The following CNKSR1 variants were observed in gnomAD, a reference collection of about 807,000 sequenced individuals.
CNKSR1 encodes connector enhancer of kinase suppressor of Ras 1.
In CNKSR1, 88 loss-of-function variants were observed where a neutral mutation model predicts 95.6. The observed-to-expected ratio is 0.92, with a 90% confidence interval of 0.78 to 1.10. The LOEUF (loss-of-function observed/expected upper bound fraction) is 1.10, where lower values mean the gene tolerates loss of function less well. Ranked by LOEUF, CNKSR1 falls within the 50% of genes least tolerant of loss-of-function variation. The pLI is 0.00. For synonymous variants in CNKSR1, 355 were observed against 369.7 expected (o/e 0.96, Z 0.46); for missense variants, 836 against 912.0 (o/e 0.92, Z 1.07).
At chr1:26,185,332 G>A in intron 14 of CNKSR1, 146 bp downstream of exon 14, 1 of 870,026 alleles carries the variant, frequency 1.1e-6, no homozygotes, top group Non-Finnish European at 1.8e-6. Flanking sequence ...AGAGAGAAAT[G>A]AGTTAATATA....
chr1:26,181,848 C>G lies in CNKSR1; in HGVS notation c.393-9C>G. On this transcript the variant is annotated splice_polypyrimidine_tract_variant and intron_variant, in intron 3 of 20. Transcript: ENST00000361530. The stretch of plus-strand genomic sequence containing the variant: ...TCCCTTAACCACTGTGCTATTCTTC[C>G]CCTGCCAGGTACCTCTTCTCCCACT... 1 of 1,613,848 alleles carries G rather than the reference C, an allele frequency of 6.2e-7. No homozygotes were observed. Among genetic ancestry groups the G allele is most frequent in the Non-Finnish European group, 8.5e-7 (1 of 1,179,836 alleles).
intron 1 of CNKSR1, among the ~76,000 whole-genome samples, chr1:26,178,238 C>T (rs1056337350): frequency 6.6e-6 from 1 of 152,212 alleles, no homozygotes; most frequent in Non-Finnish European, 1.5e-5. Context: ...TCCCTGGCCC[C>T]AGGGCCAGTG....
In CNKSR1 at chr1:26,177,871, G is replaced by T. The variant is rs2088587447; in HGVS notation, c.52+272G>T. The stretch of plus-strand genomic sequence containing the variant: ...AATCCCAGCTACTTGGGAGGCTGAG[G>T]CAGGAGAATCGCTTGAACCCAGGAG... On this transcript the variant is annotated intron_variant, in intron 1 of 20. Transcript: ENST00000361530. Among the ~76,000 whole-genome samples, 3 of 152,166 alleles carry T rather than the reference G, an allele frequency of 2.0e-5. No individual in the cohort carries two copies. The South Asian group carries it at 6.2e-4, about 31-fold the overall frequency.
intron 3 of CNKSR1, among the ~76,000 whole-genome samples, chr1:26,181,303 A>G (rs1431414556): frequency 3.3e-5 from 5 of 151,126 alleles, no homozygotes; most frequent in Non-Finnish European, 5.9e-5. Context: ...AAAAAAAAAA[A>G]AGATATGGTG....
At chr1:26,178,220 C>T (rs1447605293) in intron 1 of CNKSR1, among the ~76,000 whole-genome samples, 1 of 152,046 alleles carries the variant, frequency 6.6e-6, no homozygotes, top group Non-Finnish European at 1.5e-5. Context: ...ACTGTATCTC[C>T]TTCATCTTCC....
Position 26,180,542 on chromosome 1 carries a change from G to GCTCT in CNKSR1, c.143_146dup (p.Ala50SerfsTer44), listed in dbSNP as rs758239827. On this transcript the variant is annotated frameshift_variant, in exon 2 of 21. Transcript: ENST00000361530. LOFTEE classifies it high-confidence loss of function. ...CCAGCTCTGCCCCCAAAGCCTCGAG[G>GCTCT]CTCTGGCTGTGCGGTCTCTGGGACA... is the stretch of plus-strand genomic sequence containing the variant. 2 of 1,614,202 alleles carry GCTCT rather than the reference G, an allele frequency of 1.2e-6. No individual in the cohort carries two copies. The highest frequency in any genetic ancestry group is 3.3e-5 in the Admixed American group (2 of 60,030).
intron 1 of CNKSR1, 69 bp from the exon 2 acceptor site, chr1:26,180,384 G>T (rs1478607630): frequency 6.3e-7 from 1 of 1,577,358 alleles, no homozygotes; most frequent in Non-Finnish European, 8.7e-7. Flanking sequence ...AGCTTTGCAG[G>T]CATGAAGAAC....
At position 26,187,466 on chromosome 1, in the gene CNKSR1, C is replaced by T. The variant is rs116106621; in HGVS notation, c.1438C>T (p.Leu480=). The stretch of plus-strand genomic sequence containing the variant: ...ACCCTTCATCTTCGCTGCTGATACC[C>T]TGACAGATCTGAGCATGTGAGTGCC... ...YKPFIFAADT[L]TDLSMWVRHL... is the part of the protein sequence containing the mutation. The change falls in exon 16 of 21, where the codon CTG becomes TTG. Residue 480 remains leucine, a synonymous_variant. Coordinates refer to ENST00000361530, the MANE Select transcript of CNKSR1 (RefSeq NM_006314.3). 1,278 of 1,614,048 alleles carry T rather than the reference C, an allele frequency of 7.9e-4. 10 individuals are homozygous for T. The African/African-American group carries it at 0.013, about 17-fold the overall frequency.
chr1:26,180,167 T>A, intron 1 of CNKSR1: 3 of 484,534 alleles, frequency 6.2e-6, no homozygotes, highest in Non-Finnish European at 7.5e-6. Flanking sequence ...AACCTCAGAG[T>A]TTCTGATTCA....
At position 26,189,682 on chromosome 1, in the gene CNKSR1, C is replaced by A; in HGVS notation, c.*134C>A. 1 of 770,218 alleles carries A rather than the reference C, an allele frequency of 1.3e-6. No individual in the cohort carries two copies. The highest frequency in any genetic ancestry group is 1.4e-5 in the South Asian group (1 of 73,496). The allele number at this position is 770,218 out of a possible 1,614,324, so 47.7% of individuals were successfully genotyped here. A position where few individuals can be genotyped will look rare whatever the true frequency, so the allele number is the denominator to read the frequency against. ...AGTACTGCTAGTCATGGTCTCACCC[C>A]GAGCTGACCCCTCTGCCTGGGCTTT... On this transcript the variant is annotated 3_prime_UTR_variant, in exon 21 of 21. Coordinates refer to ENST00000361530, the MANE Select transcript of CNKSR1 (RefSeq NM_006314.3).
Position 26,189,335 on chromosome 1 carries a change from A to C in CNKSR1, c.1929A>C (p.Thr643=), listed in dbSNP as rs1455081245. The change falls in exon 21 of 21, where the codon ACA becomes ACC. Residue 643 remains threonine (T), a synonymous_variant. Coordinates refer to ENST00000361530, the MANE Select transcript of CNKSR1 (RefSeq NM_006314.3). ...AAGTGCTGGGTGACCCTGAGCTGAC[A>C]GGAGAGAAGTTCCGCCAGTGGAAGG... is the stretch of plus-strand genomic sequence containing the variant. ...LEEVLGDPEL[T]GEKFRQWKEQ... 2 of 1,614,226 alleles carry C rather than the reference A, an allele frequency of 1.2e-6. No homozygotes were observed. The highest frequency in any genetic ancestry group is 1.7e-6 in the Non-Finnish European group (2 of 1,180,034).
rs1333826684 is a variant in CNKSR1 at position 26,189,771 on chromosome 1, C to G, written c.*223C>G. ...CCAAATCCTCCAACCTCTGGGGCCA[C>G]AGCCCTGCCCCTCCAGTTCCTTGGC... On this transcript the variant is annotated 3_prime_UTR_variant, in exon 21 of 21. Transcript: ENST00000361530. 5.4e-5 allele frequency: 38 copies of G among 697,940 alleles called. No individual in the cohort carries two copies. Among genetic ancestry groups the G allele is most frequent in the Non-Finnish European group, 9.6e-5 (37 of 383,718 alleles). 43.2% of individuals were successfully genotyped at this position (697,940 alleles called of 1,614,324 possible).
In CNKSR1 at chr1:26,182,512, C is replaced by A. The variant is rs1483283505; in HGVS notation, c.552C>A (p.Ile184=). The change falls in exon 6 of 21, where the codon ATC becomes ATA. Residue 184 remains isoleucine (I), a synonymous_variant. Coordinates refer to ENST00000361530, the MANE Select transcript of CNKSR1 (RefSeq NM_006314.3). ...CSHVAGICHN[I]LVCCPKELLE... is the part of the protein sequence containing the mutation. Reference sequence around the variant, plus strand: ...ACGTGGCTGGGATCTGCCACAACATCCTGGTCTGCTGCCCCAAGGAGCTGC... The same window carrying A: ...ACGTGGCTGGGATCTGCCACAACATACTGGTCTGCTGCCCCAAGGAGCTGC... The A allele has an allele frequency of 2.5e-6, 4 of 1,614,016 alleles. No homozygotes were observed. The highest frequency in any genetic ancestry group is 3.4e-6 in the Non-Finnish European group (4 of 1,179,994).
chr1:26,185,311 G>A (rs750425138), intron 14 of CNKSR1, 125 bp downstream of exon 14: 1 of 1,045,594 alleles, frequency 9.6e-7, no homozygotes, highest in African/African-American at 1.6e-5. Context: ...TGTAAAATGG[G>A]GACTTTATTC....
chr1:26,182,224 C>T (rs1179335382), intron 4 of CNKSR1, 137 bp from the exon 5 acceptor site: 2 of 903,246 alleles, frequency 2.2e-6, no homozygotes, highest in African/African-American at 1.7e-5. Context: ...ACGCTGAGGC[C>T]CTGTGGTTCT....
intron 6 of CNKSR1, 108 bp downstream of exon 6, chr1:26,182,692 GC>G (rs1392469629): frequency 1.9e-6 from 2 of 1,045,930 alleles, no homozygotes; most frequent in African/African-American, 1.6e-5. Flanking sequence ...TGGCTGGAAA[GC>G]CTTTTTTGTA....
chr1:26,184,999 G>A lies in CNKSR1; in HGVS notation c.1136-15G>A. ...GCCAGCCCCTCACTGCCCAGCTTGT[G>A]CTGTGCTGCTACAGGCCTGGCGACC... On this transcript the variant is annotated splice_polypyrimidine_tract_variant and intron_variant, in intron 13 of 20. Coordinates refer to ENST00000361530, the MANE Select transcript of CNKSR1 (RefSeq NM_006314.3). The A allele has an allele frequency of 6.3e-7, 1 of 1,589,090 alleles. No individual in the cohort carries two copies.
At chr1:26,180,421 C>T in intron 1 of CNKSR1, 32 bp from the exon 2 acceptor site, 2 of 1,612,942 alleles carry the variant, frequency 1.2e-6, no homozygotes, top group Non-Finnish European at 1.7e-6. Context: ...GACACCTCTG[C>T]TTCCCCGAGC....
chr1:26,182,439 G>T (rs1267699358), intron 5 of CNKSR1, 37 bp downstream of exon 5: 2 of 1,613,852 alleles, frequency 1.2e-6, no homozygotes, highest in Admixed American at 1.7e-5. Flanking sequence ...GGGGGTAGGG[G>T]CGATCGGGCT....
Sources: gnomAD v4.1 joint callset for allele counts (sites outside exome capture counted in the v4.1 genomes callset) on GRCh38, gnomAD v4.1.1 for gene constraint, MANE v1.5 for transcripts, NCBI Gene and HGNC (gene_info 2026-07-23, HGNC 2026-07-21) for gene names.